The following PDZRN3 variants were observed in gnomAD, a reference collection of about 807,000 sequenced individuals.
PDZRN3 encodes the protein PDZ domain containing ring finger 3, also known as E3 ubiquitin-protein ligase PDZRN3.
PDZRN3 carries 38 observed loss-of-function variants against 85.7 expected under a neutral mutation model. The observed-to-expected ratio is 0.44, with a 90% CI of 0.34 to 0.58. PDZRN3 has a LOEUF of 0.58. PDZRN3 is among the 20% of genes least tolerant of loss of function. The pLI is 0.01. For missense variants in PDZRN3, 1,629 were observed against 1,506.4 expected (o/e 1.08, Z -1.35); for synonymous variants, 759 against 638.0 (o/e 1.19, Z -2.86).
Position 73,404,298 on chromosome 3 carries a change from GTTC to G in PDZRN3, c.1013_1015del (p.Arg338del), listed in dbSNP as rs1701810942. 2 of 1,614,054 alleles carry G rather than the reference GTTC, an allele frequency of 1.2e-6. No homozygotes were observed. Among genetic ancestry groups the G allele is most frequent in the South Asian group, 2.2e-5 (2 of 91,092 alleles). ...AGGCGTGAACATTTTGGTCCTTGGT[GTTC>G]TTCTCAACACCTGCACCACTATGGG... On this transcript the variant is annotated inframe_deletion, in exon 4 of 10. Transcript: ENST00000263666.
chr3:73,450,023 G>A (rs1179901441), intron 3 of PDZRN3, among the ~76,000 whole-genome samples: 8 of 152,176 alleles, frequency 5.3e-5, no homozygotes, highest in South Asian at 2.1e-4. Flanking sequence ...TCCTTAGGAG[G>A]CACTGGATGG....
intron 3 of PDZRN3, among the ~76,000 whole-genome samples, chr3:73,525,013 ATATG>A (rs1477421445): frequency 6.7e-6 from 1 of 148,218 alleles, no homozygotes; most frequent in Non-Finnish European, 1.5e-5. Flanking sequence ...AATAAAATAT[ATATG>A]TATTTATATA....
At chr3:73,399,946 T>C (rs1182403157) in intron 5 of PDZRN3, among the ~76,000 whole-genome samples, 1 of 152,206 alleles carries the variant, frequency 6.6e-6, no homozygotes, top group African/African-American at 2.4e-5. Flanking sequence ...TAACTTTAAG[T>C]TGAGGAACAT....
At position 73,404,411 on chromosome 3, in the gene PDZRN3, T is replaced by A. The variant is rs1374992464; in HGVS notation, c.919-16A>T. 5 of 1,607,670 alleles carry A rather than the reference T, an allele frequency of 3.1e-6. No individual in the cohort carries two copies. In the Admixed American group the frequency reaches 8.4e-5, roughly 27 times the overall value. On this transcript the variant is annotated splice_polypyrimidine_tract_variant and intron_variant, in intron 3 of 9. Coordinates refer to ENST00000263666, the MANE Select transcript of PDZRN3 (RefSeq NM_015009.3). ...TGCCGTTGACCTGTGGAAAAATATT[T>A]AGGGTGGGACAAGGTTAGAATAAAG...
At chr3:73,395,893 T>C (rs984363932) in intron 5 of PDZRN3, among the ~76,000 whole-genome samples, 6 of 152,266 alleles carry the variant, frequency 3.9e-5, no homozygotes, top group Admixed American at 3.3e-4. Context: ...GTCCAGCTCT[T>C]AGGGAGCTTG....
intron 3 of PDZRN3, among the ~76,000 whole-genome samples, chr3:73,578,631 T>C (rs974614842): frequency 2.6e-5 from 4 of 151,942 alleles, no homozygotes; most frequent in African/African-American, 7.3e-5. Flanking sequence ...AAGAGAGAGA[T>C]TGATTGATTT....
intron 3 of PDZRN3, among the ~76,000 whole-genome samples, chr3:73,523,054 G>A (rs1048424926): frequency 3.3e-5 from 5 of 152,036 alleles, no homozygotes; most frequent in African/African-American, 4.8e-5. Flanking sequence ...AAGAAGTCTC[G>A]CTCTGTCGCC....
chr3:73,499,405 G>A (rs1191083240), intron 3 of PDZRN3, among the ~76,000 whole-genome samples: 1 of 152,178 alleles, frequency 6.6e-6, no homozygotes, highest in East Asian at 1.9e-4. Context: ...TGTAGGCTGA[G>A]CCATGAGCCG....
intron 3 of PDZRN3, among the ~76,000 whole-genome samples, chr3:73,411,590 A>T (rs917912427): frequency 2.6e-5 from 4 of 152,112 alleles, no homozygotes; most frequent in Non-Finnish European, 4.4e-5. Context: ...GGCTTTCACT[A>T]GGTCGGGAGT....
chr3:73,447,416 C>T (rs947374144), intron 3 of PDZRN3, among the ~76,000 whole-genome samples: 1 of 152,126 alleles, frequency 6.6e-6, no homozygotes, highest in African/African-American at 2.4e-5. Context: ...AAATCTGCCA[C>T]TCCCCAGTCT....
intron 3 of PDZRN3, among the ~76,000 whole-genome samples, chr3:73,550,363 G>A (rs563109861): frequency 1.3e-5 from 2 of 152,176 alleles, no homozygotes; most frequent in African/African-American, 4.8e-5. Context: ...ACACTCTAAG[G>A]CACTGGTTCT....
intron 3 of PDZRN3, among the ~76,000 whole-genome samples, chr3:73,515,379 T>C (rs1041981800): frequency 3.9e-5 from 6 of 152,110 alleles, no homozygotes; most frequent in African/African-American, 1.2e-4. Flanking sequence ...GGTTTCACCA[T>C]GTTAGCCAGG....
chr3:73,483,359 T>C (rs1466588311), intron 3 of PDZRN3, among the ~76,000 whole-genome samples: 1 of 152,232 alleles, frequency 6.6e-6, no homozygotes, highest in African/African-American at 2.4e-5. Flanking sequence ...GCATTTTTAA[T>C]GTAAGCTGGA....
chr3:73,615,722 T>C (rs1702751935), intron 1 of PDZRN3, among the ~76,000 whole-genome samples: 1 of 152,192 alleles, frequency 6.6e-6, no homozygotes, highest in Non-Finnish European at 1.5e-5. Flanking sequence ...TTATAAGCTA[T>C]CCAATTTCTG....
intron 3 of PDZRN3, among the ~76,000 whole-genome samples, chr3:73,478,732 T>C (rs1411923386): frequency 6.6e-6 from 1 of 152,126 alleles, no homozygotes. Context: ...GTTGTAATAG[T>C]TGTAAAAGGT....
At chr3:73,436,985 G>T (rs1702543155) in intron 3 of PDZRN3, among the ~76,000 whole-genome samples, 1 of 149,896 alleles carries the variant, frequency 6.7e-6, no homozygotes, top group Admixed American at 6.7e-5. Flanking sequence ...GGTGGAGGTT[G>T]CAGTTAGCCA....
At position 73,384,255 on chromosome 3, in the gene PDZRN3, G is replaced by A; in HGVS notation, c.2311C>T (p.Leu771=). ...GESCRSTPLT[L]EISPDNSLRR... ...AAGGAGTTGTCGGGGGAGATCTCCA[G>A]GGTGAGCGGGGTGCTGCGGCAGCTC... is the stretch of plus-strand genomic sequence containing the variant. Residue 771 remains leucine, a synonymous_variant, in exon 10 of 10, where the codon CTG becomes TTG. Coordinates refer to ENST00000263666, the MANE Select transcript of PDZRN3 (RefSeq NM_015009.3). 1.2e-6 allele frequency: 2 copies of A among 1,613,164 alleles called. No homozygotes were observed. Among genetic ancestry groups the A allele is most frequent in the Middle Eastern group, 1.6e-4 (1 of 6,062 alleles).
At chr3:73,593,361 T>G (rs933668790) in intron 3 of PDZRN3, among the ~76,000 whole-genome samples, 1 of 152,170 alleles carries the variant, frequency 6.6e-6, no homozygotes, top group African/African-American at 2.4e-5. Context: ...AATTAAATCT[T>G]TTTATGAAAG....
intron 3 of PDZRN3, among the ~76,000 whole-genome samples, chr3:73,469,922 G>C (rs1287419646): frequency 2.6e-5 from 4 of 152,188 alleles, no homozygotes; most frequent in Non-Finnish European, 5.9e-5. Flanking sequence ...GTTCTATGTT[G>C]AAAGTGGGTA....
Sources: allele counts gnomAD v4.1 joint callset (sites outside exome capture counted in the v4.1 genomes callset), GRCh38; gene constraint gnomAD v4.1.1; transcripts MANE v1.5; gene names NCBI Gene and HGNC (gene_info 2026-07-23, HGNC 2026-07-21).